The following ERC2 variants were observed in gnomAD, a reference collection of about 807,000 sequenced individuals.
The protein encoded by ERC2 is ELKS/RAB6-interacting/CAST family member 2.
A neutral mutation model predicts 114.8 loss-of-function variants in ERC2; 42 were observed. That is an observed-to-expected ratio of 0.37 (90% CI 0.29 to 0.47). ERC2 has a LOEUF of 0.47. Among genes scored for constraint, ERC2 ranks in the 20% least tolerant of loss-of-function variants. ERC2 has a pLI of 0.99. For synonymous variants in ERC2, 454 were observed against 425.5 expected (o/e 1.07, Z -0.82); for missense variants, 939 against 1,150.7 (o/e 0.82, Z 2.66).
At chr3:55,751,403 A>G (rs992432044) in intron 14 of ERC2, among the ~76,000 whole-genome samples, 4 of 152,224 alleles carry the variant, frequency 2.6e-5, no homozygotes, top group African/African-American at 4.8e-5. Context: ...GGTCAATGCC[A>G]ATCTTTAGGA....
chr3:56,088,452 C>A (rs2077617968), intron 6 of ERC2, among the ~76,000 whole-genome samples: 1 of 152,026 alleles, frequency 6.6e-6, no homozygotes, highest in South Asian at 2.1e-4. Flanking sequence ...CTCCTTTCAT[C>A]CCAAATCCAA....
chr3:55,985,022 C>T (rs557428261), intron 12 of ERC2, among the ~76,000 whole-genome samples: 5 of 152,212 alleles, frequency 3.3e-5, no homozygotes, highest in Non-Finnish European at 7.3e-5. Flanking sequence ...AAATAATTAT[C>T]GCTTGCCTCT....
At chr3:55,788,790 CTTAT>C (rs1358257047) in intron 14 of ERC2, among the ~76,000 whole-genome samples, 1 of 152,136 alleles carries the variant, frequency 6.6e-6, no homozygotes, top group Non-Finnish European at 1.5e-5. Context: ...TTAAAATAAG[CTTAT>C]TTATTGAGGG....
chr3:55,815,123 A>G (rs2059860526), intron 14 of ERC2, among the ~76,000 whole-genome samples: 1 of 152,218 alleles, frequency 6.6e-6, no homozygotes, highest in Non-Finnish European at 1.5e-5. Flanking sequence ...AACATAGAGC[A>G]GCCACCAGTA....
At chr3:56,058,237 T>C (rs1315666477) in intron 7 of ERC2, among the ~76,000 whole-genome samples, 1 of 152,164 alleles carries the variant, frequency 6.6e-6, no homozygotes, top group African/African-American at 2.4e-5. Context: ...CCTGACAAGG[T>C]AGATGTACAG....
chr3:56,206,318 G>A (rs1046754849), intron 3 of ERC2, among the ~76,000 whole-genome samples: 1 of 152,042 alleles, frequency 6.6e-6, no homozygotes, highest in Non-Finnish European at 1.5e-5. Context: ...ATTTATTCCA[G>A]ACATTTTCAT....
chr3:55,997,880 G>GTTTGTTTTTTTTTTTTTTTTTTTTTT lies in ERC2; in HGVS notation c.2062-5631_2062-5630insAAAAAAAAAAAAAAAAAAAAAACAAA, dbSNP rs1559996207. Reference sequence around the variant, plus strand: ...TTGAAATGTTATACATCTTAATTCTGTTTTTTTTTTTTTTTTTTTTTTTTT... The same window carrying GTTTGTTTTTTTTTTTTTTTTTTTTTT: ...TTGAAATGTTATACATCTTAATTCTGTTTGTTTTTTTTTTTTTTTTTTTTTTTTTTTTTTTTTTTTTTTTTTTTTTT... On this transcript the variant is annotated intron_variant, in intron 10 of 17. Transcript: ENST00000288221. Among the ~76,000 whole-genome samples, 2 of 44,788 alleles carry GTTTGTTTTTTTTTTTTTTTTTTTTTT rather than the reference G, an allele frequency of 4.5e-5. 1 individual carries two copies. The allele number at this position is 44,788 out of a possible 152,430, so 29.4% of individuals were successfully genotyped here. A position where few individuals can be genotyped will look rare whatever the true frequency, so the allele number is the denominator to read the frequency against.
intron 6 of ERC2, among the ~76,000 whole-genome samples, chr3:56,111,844 A>T (rs1431902136): frequency 6.6e-6 from 1 of 152,242 alleles, no homozygotes; most frequent in Non-Finnish European, 1.5e-5. Context: ...CCACTGCAAC[A>T]AATATTGCTG....
intron 11 of ERC2, among the ~76,000 whole-genome samples, chr3:55,986,824 A>G (rs1004348468): frequency 1.3e-5 from 2 of 151,896 alleles, no homozygotes; most frequent in Non-Finnish European, 2.9e-5. Flanking sequence ...GCAAACAAAC[A>G]AAAAACCATA....
At chr3:55,706,315 C>T (rs1046970358) in intron 15 of ERC2, among the ~76,000 whole-genome samples, 1 of 152,098 alleles carries the variant, frequency 6.6e-6, no homozygotes, top group Non-Finnish European at 1.5e-5. Flanking sequence ...TTCTGGAGAT[C>T]ACTTCTCAAA....
chr3:56,008,209 T>C (rs2072651126), intron 9 of ERC2, among the ~76,000 whole-genome samples: 1 of 152,196 alleles, frequency 6.6e-6, no homozygotes, highest in African/African-American at 2.4e-5. Flanking sequence ...ATGGTCTCTC[T>C]GTAAACAACG....
intron 2 of ERC2, among the ~76,000 whole-genome samples, chr3:56,306,885 G>C (rs1179824173): frequency 6.6e-6 from 1 of 152,180 alleles, no homozygotes; most frequent in Non-Finnish European, 1.5e-5. Context: ...AAACAGGGAT[G>C]CAAGACCTAC....
chr3:56,042,504 C>T (rs559920621), intron 7 of ERC2, among the ~76,000 whole-genome samples: 1 of 152,236 alleles, frequency 6.6e-6, no homozygotes, highest in South Asian at 2.1e-4. Flanking sequence ...TCCTACCAAA[C>T]AGTGTCCCTG....
chr3:56,016,639 A>G (rs1357579395), intron 8 of ERC2, among the ~76,000 whole-genome samples: 2 of 152,054 alleles, frequency 1.3e-5, no homozygotes, highest in African/African-American at 4.8e-5. Context: ...GACTTTCAAC[A>G]GGAGCTTCCT....
chr3:56,185,515 T>C (rs1426185385), intron 3 of ERC2, among the ~76,000 whole-genome samples: 1 of 152,166 alleles, frequency 6.6e-6, no homozygotes, highest in Admixed American at 6.5e-5. Context: ...ACATAAGCGA[T>C]TTAGACAATG....
intron 13 of ERC2, among the ~76,000 whole-genome samples, chr3:55,906,422 A>C: frequency 7.8e-6 from 1 of 128,136 alleles, no homozygotes; most frequent in Non-Finnish European, 1.6e-5. Context: ...ACAGAGCGAG[A>C]CTCTGTCTCA....
intron 3 of ERC2, among the ~76,000 whole-genome samples, chr3:56,246,372 T>C (rs2051709951): frequency 6.6e-6 from 1 of 152,148 alleles, no homozygotes. Flanking sequence ...CACATCCACC[T>C]TGTGACAATC....
intron 2 of ERC2, among the ~76,000 whole-genome samples, chr3:56,307,670 T>C (rs948876979): frequency 2.0e-5 from 3 of 152,236 alleles, no homozygotes; most frequent in African/African-American, 7.2e-5. Flanking sequence ...AGCATCCTCA[T>C]GGCTTTTACC....
At chr3:55,896,805 A>G (rs2063861786) in intron 13 of ERC2, among the ~76,000 whole-genome samples, 1 of 152,242 alleles carries the variant, frequency 6.6e-6, no homozygotes, top group Non-Finnish European at 1.5e-5. Flanking sequence ...TCTTCAAGCT[A>G]GATGTTGATT....
Sources: allele counts gnomAD v4.1 joint callset (sites outside exome capture counted in the v4.1 genomes callset), GRCh38; gene constraint gnomAD v4.1.1; transcripts MANE v1.5; gene names NCBI Gene and HGNC (gene_info 2026-07-23, HGNC 2026-07-21).